The following MIPEP variants were observed in gnomAD, a reference collection of about 807,000 sequenced individuals.
The protein encoded by MIPEP is mitochondrial intermediate peptidase.
MIPEP carries 79 observed loss-of-function variants against 90.3 expected under a neutral mutation model. The ratio of observed to expected loss-of-function variants is 0.87; its 90% CI spans 0.73 to 1.05. The LOEUF is 1.05. Ranked by LOEUF, MIPEP falls within the 50% of genes least tolerant of loss-of-function variation. MIPEP has a pLI of 0.00. For synonymous variants in MIPEP, 334 were observed against 315.8 expected (o/e 1.06, Z -0.61); for missense variants, 940 against 905.6 (o/e 1.04, Z -0.49).
intron 16 of MIPEP, among the ~76,000 whole-genome samples, chr13:23,802,483 G>T (rs149187436): frequency 6.6e-6 from 1 of 152,026 alleles, no homozygotes. Context: ...TGAGAGAATC[G>T]CTTGAACCCA....
intron 7 of MIPEP, among the ~76,000 whole-genome samples, chr13:23,867,563 C>T (rs1870598196): frequency 6.6e-6 from 1 of 152,168 alleles, no homozygotes; most frequent in Admixed American, 6.5e-5. Context: ...CTTTACTGTT[C>T]TTCCCTTGCT....
In MIPEP at chr13:23,889,226, C is replaced by A. The variant is rs575486158; in HGVS notation, c.95G>T (p.Arg32Leu). The part of the protein sequence containing the change: ...AGRGSLEAGI[R>L]ARRVSTSWSP... ...CCAGCTGGTGCTGACCCTTCGGGCC[C>A]GGATCCCGGCTTCGAGGCTTCCCCG... Residue 32 changes from arginine to leucine, a missense_variant, in exon 1 of 19, where the codon CGG becomes CTG. Arg to Leu is a moderately radical substitution (Grantham distance 102). Coordinates refer to ENST00000382172, the MANE Select transcript of MIPEP (RefSeq NM_005932.4). 2.7e-4 allele frequency: 389 copies of A among 1,416,064 alleles called. 6 individuals carry two copies. The South Asian group carries it at 5.7e-3, about 21-fold the overall frequency. 87.7% of individuals were successfully genotyped at this position (1,416,064 alleles called of 1,614,324 possible).
intron 10 of MIPEP, among the ~76,000 whole-genome samples, chr13:23,854,061 C>A (rs1246592097): frequency 6.6e-6 from 1 of 151,838 alleles, no homozygotes; most frequent in African/African-American, 2.4e-5. Context: ...CGCGGTGGCT[C>A]ACGCCTGTAA....
chr13:23,867,531 T>A (rs996611364), intron 7 of MIPEP, among the ~76,000 whole-genome samples: 1 of 152,212 alleles, frequency 6.6e-6, no homozygotes, highest in Admixed American at 6.5e-5. Context: ...ACATACCACA[T>A]ACTTTATCTA....
At chr13:23,851,586 A>C (rs980345427) in intron 10 of MIPEP, among the ~76,000 whole-genome samples, 1 of 152,228 alleles carries the variant, frequency 6.6e-6, no homozygotes, top group Non-Finnish European at 1.5e-5. Context: ...TCTAGCTGAG[A>C]GGGAAACCCT....
At chr13:23,766,874 G>A (rs1329884437) in intron 16 of MIPEP, among the ~76,000 whole-genome samples, 1 of 152,204 alleles carries the variant, frequency 6.6e-6, no homozygotes, top group Admixed American at 6.5e-5. Context: ...AACTGAATAT[G>A]GCAGTGGTTC....
chr13:23,796,592 A>C (rs1952964931), intron 16 of MIPEP, among the ~76,000 whole-genome samples: 1 of 151,880 alleles, frequency 6.6e-6, no homozygotes, highest in African/African-American at 2.4e-5. Flanking sequence ...TAAAAAAAAA[A>C]AACAAAAAAA....
At chr13:23,819,304 G>A (rs935736486) in intron 14 of MIPEP, among the ~76,000 whole-genome samples, 1 of 152,194 alleles carries the variant, frequency 6.6e-6, no homozygotes, top group African/African-American at 2.4e-5. Context: ...CTGAAAATAG[G>A]AGATCGCAGT....
intron 14 of MIPEP, among the ~76,000 whole-genome samples, chr13:23,832,584 A>C (rs888809235): frequency 6.6e-6 from 1 of 152,188 alleles, no homozygotes; most frequent in Admixed American, 6.5e-5. Flanking sequence ...TTCTGTGCTA[A>C]TTTGGAGCAA....
chr13:23,767,460 T>TC (rs1209358627), intron 16 of MIPEP, among the ~76,000 whole-genome samples: 1 of 151,796 alleles, frequency 6.6e-6, no homozygotes, highest in Admixed American at 6.6e-5. Flanking sequence ...TGTAAATTTT[T>TC]TTTTTTTTTG....
intron 18 of MIPEP, among the ~76,000 whole-genome samples, chr13:23,746,898 G>A (rs1283285779): frequency 3.9e-5 from 6 of 152,140 alleles, no homozygotes; most frequent in Non-Finnish European, 7.4e-5. Context: ...TCTCAAAATG[G>A]AAGAGGGACC....
At chr13:23,805,893 C>T in intron 16 of MIPEP, 57 bp downstream of exon 16, 12 of 1,576,592 alleles carry the variant, frequency 7.6e-6, no homozygotes, top group Non-Finnish European at 9.5e-6. Context: ...TCACAAGCTA[C>T]AGAAGTAATA....
At chr13:23,845,213 C>T (rs1869480785) in intron 10 of MIPEP, among the ~76,000 whole-genome samples, 2 of 152,038 alleles carry the variant, frequency 1.3e-5, no homozygotes, top group Admixed American at 1.3e-4. Flanking sequence ...GGAATACTTT[C>T]CAGTTTAGTA....
At chr13:23,858,031 C>T in intron 10 of MIPEP, among the ~76,000 whole-genome samples, 1 of 151,804 alleles carries the variant, frequency 6.6e-6, no homozygotes, top group East Asian at 1.9e-4. Context: ...CCTAAATCAA[C>T]CTTAACTCTC....
intron 10 of MIPEP, 83 bp from the exon 11 acceptor site, chr13:23,841,571 C>G: frequency 7.4e-7 from 1 of 1,360,192 alleles, no homozygotes; most frequent in Non-Finnish European, 1.0e-6. Flanking sequence ...TCATTTAATA[C>G]TTAAGATCAC....
chr13:23,760,492 T>C (rs1441441317), intron 16 of MIPEP: 1 of 625,272 alleles, frequency 1.6e-6, no homozygotes, highest in Non-Finnish European at 3.1e-6. Context: ...CGTGATTAAG[T>C]AAAAGTGAAG....
chr13:23,805,621 G>T (rs1953098905), intron 16 of MIPEP, among the ~76,000 whole-genome samples: 2 of 152,098 alleles, frequency 1.3e-5, no homozygotes, highest in African/African-American at 4.8e-5. Flanking sequence ...AATGATTCAG[G>T]ACTGGTAATC....
intron 16 of MIPEP, among the ~76,000 whole-genome samples, chr13:23,774,852 T>C (rs534153385): frequency 1.7e-4 from 22 of 129,662 alleles, no homozygotes; most frequent in East Asian, 1.5e-3. Flanking sequence ...TGAAGTGCAA[T>C]GGGATGAGCT....
chr13:23,771,951 G>A (rs1206832594), intron 16 of MIPEP, among the ~76,000 whole-genome samples: 1 of 152,106 alleles, frequency 6.6e-6, no homozygotes, highest in African/African-American at 2.4e-5. Context: ...TGTGCAATTA[G>A]GAGGTGTGTC....
Sources: gnomAD v4.1 joint callset for allele counts (sites outside exome capture counted in the v4.1 genomes callset) on GRCh38, gnomAD v4.1.1 for gene constraint, MANE v1.5 for transcripts, NCBI Gene and HGNC (gene_info 2026-07-23, HGNC 2026-07-21) for gene names.